Variants in CCDC40 observed in about 807,000 individuals in gnomAD.
The protein encoded by CCDC40 is coiled-coil domain 40 molecular ruler complex subunit.
A neutral mutation model predicts 124.5 loss-of-function variants in CCDC40; 104 were observed. That is an observed-to-expected ratio of 0.84 (90% CI 0.71 to 0.98). CCDC40 has a LOEUF of 0.98. CCDC40 is among the 50% of genes least tolerant of loss of function. The pLI is 0.00. For synonymous variants in CCDC40, 580 were observed against 602.9 expected, an observed-to-expected ratio of 0.96 and a Z score of 0.56; for missense variants, 1,463 against 1,503.9, an observed-to-expected ratio of 0.97 and a Z score of 0.45.
intron 16 of CCDC40, chr17:80,089,540 C>CA: frequency 2.3e-6 from 1 of 438,838 alleles, no homozygotes; most frequent in Non-Finnish European, 4.3e-6. Context: ...GTTTCTTCCC[C>CA]ACCCCCATCT....
intron 4 of CCDC40, among the ~76,000 whole-genome samples, chr17:80,047,710 G>A (rs200122530): frequency 1.3e-5 from 2 of 152,138 alleles, no homozygotes; most frequent in African/African-American, 4.8e-5. Context: ...ATTCAGTGAC[G>A]CCCAGCCCCA....
chr17:80,051,856 C>T (rs377738563), intron 7 of CCDC40, among the ~76,000 whole-genome samples: 31 of 152,328 alleles, frequency 2.0e-4, no homozygotes, highest in East Asian at 1.7e-3. Flanking sequence ...GAGCGCCCTC[C>T]GGCTCCCCTC....
rs201285543 is a variant in CCDC40 at position 80,064,725 on chromosome 17, G to GC, written c.1441-754dup. ...CCCTTACTGCAGGTGGCCCCTCACT[G>GC]CCCCCCACGATGCCCCTAGACTTCC... On this transcript the variant is annotated intron_variant, in intron 9 of 19. Coordinates refer to ENST00000397545, the MANE Select transcript of CCDC40 (RefSeq NM_017950.4). Among the ~76,000 whole-genome samples, 1,220 of 141,514 alleles carry GC rather than the reference G, an allele frequency of 8.6e-3. 58 individuals are homozygous for GC. Among genetic ancestry groups the GC allele is most frequent in the Admixed American group, 0.083 (1,141 of 13,700 alleles). The allele number at this position is 141,514 out of a possible 152,430, so 92.8% of individuals were successfully genotyped here. A position where few individuals can be genotyped will look rare whatever the true frequency, so the allele number is the denominator to read the frequency against.
intron 16 of CCDC40, among the ~76,000 whole-genome samples, chr17:80,088,794 G>A (rs190511103): frequency 3.3e-5 from 5 of 152,280 alleles, no homozygotes; most frequent in East Asian, 1.9e-4. Flanking sequence ...GCGACAGAGC[G>A]AGACCCTGTC....
chr17:80,086,310 G>A lies in CCDC40; in HGVS notation c.2449+94G>A, dbSNP rs73436177. 0.086 allele frequency: 86,971 copies of A among 1,007,076 alleles called. 4,578 individuals are homozygous for A. The highest frequency in any genetic ancestry group is 0.2 in the African/African-American group (12,237 of 62,390). 62.4% of individuals were successfully genotyped at this position (1,007,076 alleles called of 1,614,324 possible). On this transcript the variant is annotated intron_variant, in intron 14 of 19. Transcript: ENST00000397545. The surrounding 1 kb of genome is among the most constrained non-coding windows in gnomAD (Gnocchi z 5.5). ...GGAGGGGCACTCAGTGGGGCACGTCGCTGGATTTGCACGCAGCCTTAAAAG... is the reference window on the plus strand; with the variant it reads ...GGAGGGGCACTCAGTGGGGCACGTCACTGGATTTGCACGCAGCCTTAAAAG...
chr17:80,065,641 G>C, intron 10 of CCDC40, 35 bp downstream of exon 10: 1 of 1,610,164 alleles, frequency 6.2e-7, no homozygotes, highest in African/African-American at 1.3e-5. Context: ...GGATGTGCGG[G>C]AACCCCAGGG....
intron 10 of CCDC40, chr17:80,067,687 C>T (rs1041466662): frequency 1.6e-5 from 24 of 1,535,650 alleles, no homozygotes; most frequent in Middle Eastern, 1.7e-4. Flanking sequence ...TGCTAACGCT[C>T]ACCAGGATGC....
chr17:80,061,984 C>T (rs2037911571), intron 9 of CCDC40, among the ~76,000 whole-genome samples: 1 of 152,098 alleles, frequency 6.6e-6, no homozygotes, highest in Non-Finnish European at 1.5e-5. Flanking sequence ...GTGGGGTGCA[C>T]CTGTAGTCCC....
At position 80,039,859 on chromosome 17, in the gene CCDC40, C is replaced by T. The variant is rs756511342; in HGVS notation, c.141C>T (p.Val47=). The T allele has an allele frequency of 1.5e-5, 25 of 1,613,656 alleles. No individual in the cohort carries two copies. Among genetic ancestry groups the T allele is most frequent in the African/African-American group, 5.3e-5 (4 of 74,780 alleles). ...KDDGQKGEEA[V]GSTEHPEEVT... ...ATGGCCAGAAAGGTGAAGAAGCTGTCGGTAGCACAGAGCATCCTGAGGAAG... is the reference window on the plus strand; with the variant it reads ...ATGGCCAGAAAGGTGAAGAAGCTGTTGGTAGCACAGAGCATCCTGAGGAAG... Residue 47 remains valine, a synonymous_variant, in exon 3 of 20, where the codon GTC becomes GTT. Coordinates refer to ENST00000397545, the MANE Select transcript of CCDC40 (RefSeq NM_017950.4).
rs1385278262 is a variant in CCDC40 at position 80,099,963 on chromosome 17, G to A, written c.*188G>A. ...GCCACTCAGCAATTTAATAAACCAG[G>A]TAAAATCCTAGCGTTTCCCATGGCA... is the stretch of plus-strand genomic sequence containing the variant. On this transcript the variant is annotated 3_prime_UTR_variant, in exon 20 of 20. Transcript: ENST00000397545. The A allele has an allele frequency of 4.6e-6, 3 of 650,832 alleles. No homozygotes were observed. Among genetic ancestry groups the A allele is most frequent in the Admixed American group, 2.8e-5 (1 of 35,724 alleles). 40.3% of individuals were successfully genotyped at this position (650,832 alleles called of 1,614,324 possible).
At chr17:80,093,601 C>G (rs1045557512) in intron 17 of CCDC40, among the ~76,000 whole-genome samples, 2 of 151,812 alleles carry the variant, frequency 1.3e-5, no homozygotes, top group Non-Finnish European at 2.9e-5. Context: ...CAACCTCTGC[C>G]TCCCGGGGTT....
chr17:80,082,942 A>C (rs977905310), intron 12 of CCDC40, among the ~76,000 whole-genome samples: 1 of 152,198 alleles, frequency 6.6e-6, no homozygotes, highest in Non-Finnish European at 1.5e-5. Flanking sequence ...ACGATGTTTG[A>C]ACTGCTCAAA....
rs1267278774 is a variant in CCDC40, at chr17:80,082,022, G to A, written c.1953G>A (p.Gln651=). The A allele has an allele frequency of 1.9e-6, 3 of 1,613,364 alleles. No individual in the cohort carries two copies. In the Admixed American group the frequency reaches 5.0e-5, roughly 27 times the overall value. The change falls in exon 12 of 20, where the codon CAG becomes CAA. Residue 651 remains glutamine (Q), a synonymous_variant. Transcript: ENST00000397545. ...ACAAGACCACCAAATACTTCAACCAGCTCATCCTGAGGCTGCAGAAGGAGA... is the reference window on the plus strand; with the variant it reads ...ACAAGACCACCAAATACTTCAACCAACTCATCCTGAGGCTGCAGAAGGAGA... The part of the protein sequence containing the change: ...TSNKTTKYFN[Q]LILRLQKEKT...
At chr17:80,088,712 T>A (rs1598544561) in intron 16 of CCDC40, among the ~76,000 whole-genome samples, 1 of 152,056 alleles carries the variant, frequency 6.6e-6, no homozygotes, top group African/African-American at 2.4e-5. Flanking sequence ...GAGGCTGAGG[T>A]GGGAGGATCG....
At chr17:80,077,275 A>G (rs1418269028) in intron 10 of CCDC40, among the ~76,000 whole-genome samples, 1 of 152,138 alleles carries the variant, frequency 6.6e-6, no homozygotes, top group Non-Finnish European at 1.5e-5. Context: ...CTGTAATCCC[A>G]GCACTTTGGG....
At chr17:80,091,395 T>A (rs531624917) in intron 17 of CCDC40, among the ~76,000 whole-genome samples, 2 of 151,874 alleles carry the variant, frequency 1.3e-5, no homozygotes, top group African/African-American at 2.4e-5. Flanking sequence ...TTGGCTCTTA[T>A]GATTATGAGG....
At chr17:80,068,897 A>G (rs2038117554) in intron 10 of CCDC40, among the ~76,000 whole-genome samples, 1 of 152,236 alleles carries the variant, frequency 6.6e-6, no homozygotes, top group Admixed American at 6.5e-5. Flanking sequence ...ACAGGAGCGG[A>G]TGACACAGAC....
chr17:80,095,182 C>T (rs942306964), intron 17 of CCDC40, 81 bp from the exon 18 acceptor site: 8 of 1,334,650 alleles, frequency 6.0e-6, no homozygotes, highest in East Asian at 2.3e-5. Flanking sequence ...GGAGGATGAG[C>T]GAGGCCAGCG....
intron 9 of CCDC40, among the ~76,000 whole-genome samples, chr17:80,061,325 G>A (rs1436624223): frequency 2.0e-5 from 3 of 152,176 alleles, no homozygotes; most frequent in East Asian, 1.9e-4. Context: ...CAGCCTGGGC[G>A]ACAGAGCCAG....
Sources: allele counts gnomAD v4.1 joint callset (sites outside exome capture counted in the v4.1 genomes callset), GRCh38; gene constraint gnomAD v4.1.1; non-coding constraint Gnocchi (gnomAD v3.1); transcripts MANE v1.5; gene names NCBI Gene and HGNC (gene_info 2026-07-23, HGNC 2026-07-21).